The following DNASE1 variants were observed in gnomAD, a reference collection of about 807,000 sequenced individuals.
DNASE1 encodes the protein deoxyribonuclease-1.
Under a neutral mutation model 33.9 loss-of-function variants are expected in DNASE1, and 40 were observed. The observed-to-expected ratio is 1.18, with a 90% confidence interval of 0.92 to 1.54. The LOEUF is 1.54. Among genes scored for constraint, DNASE1 ranks in the 40% most tolerant of loss-of-function variants. The pLI, the probability that DNASE1 is intolerant of heterozygous loss-of-function variation, is 0.00. For synonymous variants in DNASE1, 216 were observed against 160.0 expected (o/e 1.35, Z -2.64); for missense variants, 518 against 372.6 (o/e 1.39, Z -3.21).
chr16:3,623,874 T>A (rs143653371), intron 1 of DNASE1, among the ~76,000 whole-genome samples: 1 of 152,328 alleles, frequency 6.6e-6, no homozygotes, highest in East Asian at 1.9e-4. Flanking sequence ...CTTACACTGG[T>A]CAGAATGGCT....
intron 1 of DNASE1, among the ~76,000 whole-genome samples, chr16:3,621,351 G>A (rs1362730961): frequency 6.6e-6 from 1 of 152,164 alleles, no homozygotes; most frequent in Non-Finnish European, 1.5e-5. Flanking sequence ...AAAGTGCTGG[G>A]TTTACAGGTA....
At chr16:3,622,265 A>G (rs1006739523) in intron 1 of DNASE1, among the ~76,000 whole-genome samples, 18 of 151,738 alleles carry the variant, frequency 1.2e-4, no homozygotes, top group Admixed American at 3.3e-4. Flanking sequence ...TCCGTTAACA[A>G]TGAATGTCTT....
At chr16:3,624,127 A>C (rs2041421219) in intron 1 of DNASE1, among the ~76,000 whole-genome samples, 3 of 151,786 alleles carry the variant, frequency 2.0e-5, no homozygotes, top group Non-Finnish European at 4.4e-5. Context: ...AAATACAAAA[A>C]TCAGCTGGGC....
At chr16:3,625,964 A>G (rs55913134) in intron 1 of DNASE1, among the ~76,000 whole-genome samples, 13,613 of 152,172 alleles carry the variant, frequency 0.089, 666 homozygotes, top group African/African-American at 0.13. Flanking sequence ...GCCGGGTGTC[A>G]GGGCATGCGC....
intron 1 of DNASE1, among the ~76,000 whole-genome samples, chr16:3,634,867 A>C (rs1442124454): frequency 6.6e-6 from 1 of 152,136 alleles, no homozygotes; most frequent in Non-Finnish European, 1.5e-5. Context: ...CCCAGGCTAG[A>C]GTGCAGTGGC....
downstream of DNASE1, chr16:3,661,756 C>G (rs1028866935): frequency 8.1e-5 from 35 of 434,776 alleles, no homozygotes; most frequent in Non-Finnish European, 1.1e-4. Context: ...AGGACATGGT[C>G]ACAGGCTGGG....
At chr16:3,649,929 A>T (rs751679111), upstream of DNASE1, among the ~76,000 whole-genome samples, 4 of 141,734 alleles carry the variant, frequency 2.8e-5, no homozygotes, top group African/African-American at 8.9e-5. Context: ...TCTAGTTGAT[A>T]AAAAAAAAAT....
chr16:3,626,491 C>T (rs1433046177), intron 1 of DNASE1, among the ~76,000 whole-genome samples: 2 of 152,208 alleles, frequency 1.3e-5, no homozygotes, highest in African/African-American at 4.8e-5. Context: ...GGTCAGAGAT[C>T]ATACTTTATA....
chr16:3,643,652 G>C (rs918160005), intron 1 of DNASE1, among the ~76,000 whole-genome samples: 1 of 152,248 alleles, frequency 6.6e-6, no homozygotes, highest in African/African-American at 2.4e-5. Context: ...CACTGGGAAA[G>C]GGGACCAGGG....
upstream of DNASE1, chr16:3,651,208 G>T (rs2042326561): frequency 6.6e-6 from 1 of 152,174 alleles, no homozygotes; most frequent in Admixed American, 6.6e-5. Context: ...GGTGCCTATA[G>T]GATTTTTCCT....
chr16:3,654,674 A>C (rs2042480540), upstream of DNASE1: 1 of 399,382 alleles, frequency 2.5e-6, no homozygotes, highest in Non-Finnish European at 4.4e-6. Flanking sequence ...AACTAAGTGC[A>C]AACGTGATTA....
upstream of DNASE1, chr16:3,654,492 C>CTTTGT (rs2151212832): frequency 2.5e-6 from 1 of 398,728 alleles, no homozygotes; most frequent in Admixed American, 4.4e-5. Context: ...GCTTTGGCCT[C>CTTTGT]TTTGTCCAAA....
chr16:3,650,563 C>T (rs2042301033), upstream of DNASE1: 2 of 146,310 alleles, frequency 1.4e-5, no homozygotes, highest in African/African-American at 2.5e-5. Context: ...TTTTAACTTA[C>T]TGTTACCTAA....
intron 1 of DNASE1, among the ~76,000 whole-genome samples, chr16:3,627,568 GTC>G (rs1283029424): frequency 6.6e-6 from 1 of 152,098 alleles, no homozygotes; most frequent in Admixed American, 6.6e-5. Context: ...CACCTGGCTT[GTC>G]TGTGTTTTCT....
intron 1 of DNASE1, among the ~76,000 whole-genome samples, chr16:3,627,920 T>C (rs2041566822): frequency 2.1e-5 from 3 of 141,814 alleles, no homozygotes; most frequent in Admixed American, 7.6e-5. Context: ...AATTTCAGCA[T>C]GTATTTTCTA....
At chr16:3,637,093 C>T (rs987758286) in intron 1 of DNASE1, among the ~76,000 whole-genome samples, 1 of 151,238 alleles carries the variant, frequency 6.6e-6, no homozygotes, top group East Asian at 1.9e-4. Context: ...CAGTGCACTC[C>T]TGCCTGGGTG....
At chr16:3,638,234 T>C (rs1345502855), upstream of DNASE1, among the ~76,000 whole-genome samples, 3 of 152,188 alleles carry the variant, frequency 2.0e-5, no homozygotes, top group East Asian at 1.9e-4. Context: ...GTACATAATA[T>C]GCTTTTTAGC....
intron 8 of DNASE1, 44 bp from the exon 9 acceptor site, chr16:3,657,862 G>A: frequency 6.2e-7 from 1 of 1,613,980 alleles, no homozygotes; most frequent in South Asian, 1.1e-5. Context: ...GGACACAGGA[G>A]CTCAGGTAGG....
exon 10 of DNASE1, chr16:3,663,824 A>G: frequency 2.1e-6 from 1 of 474,280 alleles, no homozygotes; most frequent in Middle Eastern, 5.8e-4. Flanking sequence ...CTGTAATCCC[A>G]GCACTTTGGG....
Sources: allele counts gnomAD v4.1 joint callset (sites outside exome capture counted in the v4.1 genomes callset), GRCh38; gene constraint gnomAD v4.1.1; transcripts MANE v1.5; gene names NCBI Gene and HGNC (gene_info 2026-07-23, HGNC 2026-07-21).